Variants in UBAC2 observed in about 807,000 individuals in gnomAD.
UBAC2 encodes the protein ubiquitin-associated domain-containing protein 2.
A neutral mutation model predicts 44.0 loss-of-function variants in UBAC2; 26 were observed. The ratio of observed to expected loss-of-function variants is 0.59; its 90% CI spans 0.43 to 0.82. The LOEUF is 0.82. Among genes scored for constraint, UBAC2 ranks in the 40% least tolerant of loss-of-function variants. UBAC2 has a pLI of 0.00. For missense variants in UBAC2, 329 were observed against 419.4 expected (o/e 0.78, Z 1.88); for synonymous variants, 155 against 154.3 (o/e 1.00, Z -0.04).
chr13:99,205,265 TG>T (rs1314468426), intron 1 of UBAC2, among the ~76,000 whole-genome samples: 2 of 151,868 alleles, frequency 1.3e-5, no homozygotes, highest in Non-Finnish European at 2.9e-5. Context: ...AAAAACCCAG[TG>T]GGAAGGGTGT....
intron 8 of UBAC2, among the ~76,000 whole-genome samples, chr13:99,378,223 G>A (rs184165670): frequency 2.0e-5 from 3 of 152,214 alleles, no homozygotes; most frequent in East Asian, 1.9e-4. Context: ...CCCCCTTATC[G>A]ATATTAAAAA....
At chr13:99,238,661 G>C in intron 2 of UBAC2, 107 bp downstream of exon 2, 2 of 1,015,838 alleles carry the variant, frequency 2.0e-6, no homozygotes, top group Non-Finnish European at 2.7e-6. Flanking sequence ...CCCCCAATTT[G>C]TAAGAAATAT....
At chr13:99,228,927 C>T (rs1323406332) in intron 1 of UBAC2, among the ~76,000 whole-genome samples, 1 of 152,164 alleles carries the variant, frequency 6.6e-6, no homozygotes, top group Non-Finnish European at 1.5e-5. Flanking sequence ...GTACAATAAC[C>T]ACAGTGTCAA....
chr13:99,282,920 T>C (rs1355525056), intron 4 of UBAC2, among the ~76,000 whole-genome samples: 2 of 152,214 alleles, frequency 1.3e-5, no homozygotes, highest in African/African-American at 4.8e-5. Flanking sequence ...TCTAATGTGC[T>C]TGAAATCTAA....
intron 4 of UBAC2, among the ~76,000 whole-genome samples, chr13:99,281,913 C>G (rs2043959211): frequency 6.6e-6 from 1 of 152,080 alleles, no homozygotes; most frequent in Non-Finnish European, 1.5e-5. Flanking sequence ...AGGGAGCAGA[C>G]CTAATGTATC....
chr13:99,361,708 C>T (rs1341367352), intron 7 of UBAC2, among the ~76,000 whole-genome samples: 3 of 152,160 alleles, frequency 2.0e-5, no homozygotes, highest in Admixed American at 1.3e-4. Context: ...TACTAAATGC[C>T]GACAGCACCA....
At chr13:99,363,307 C>G (rs767647265) in intron 7 of UBAC2, among the ~76,000 whole-genome samples, 21 of 152,286 alleles carry the variant, frequency 1.4e-4, no homozygotes, top group Non-Finnish European at 1.8e-4. Flanking sequence ...ATAGTCATGC[C>G]TAGTTTTGAG....
intron 1 of UBAC2, among the ~76,000 whole-genome samples, chr13:99,223,104 A>G (rs2043069080): frequency 6.6e-6 from 1 of 152,174 alleles, no homozygotes; most frequent in Non-Finnish European, 1.5e-5. Context: ...TGTTTCATCT[A>G]AGTTATCAAA....
chr13:99,295,197 T>C lies in UBAC2; in HGVS notation c.390-18900T>C, dbSNP rs1210379524. The C allele has an allele frequency of 9.9e-6, 16 of 1,614,146 alleles. No homozygotes were observed. The highest frequency in any genetic ancestry group is 1.4e-5 in the Non-Finnish European group (16 of 1,180,018). On this transcript the variant is annotated intron_variant, in intron 4 of 8. Coordinates refer to ENST00000403766, the MANE Select transcript of UBAC2 (RefSeq NM_001144072.2). The surrounding 1 kb of genome is among the most constrained non-coding windows in gnomAD (Gnocchi z 4.1). ...CGTTTCAGCATCCTCATAACCTTTC[T>C]CTTATACCCTTTACATGCAAAGAAG...
chr13:99,315,242 G>A (rs564315043), intron 5 of UBAC2, among the ~76,000 whole-genome samples: 2 of 151,992 alleles, frequency 1.3e-5, no homozygotes, highest in Non-Finnish European at 2.9e-5. Flanking sequence ...CAAATAGCCC[G>A]TTTCTGCATT....
At chr13:99,377,177 G>C (rs1000685890) in intron 8 of UBAC2, 5 of 147,314 alleles carry the variant, frequency 3.4e-5, no homozygotes, top group Admixed American at 6.9e-5. Flanking sequence ...CTCTGTGTTG[G>C]GGGGAAGCAA....
chr13:99,334,556 C>T (rs889600818), intron 6 of UBAC2, among the ~76,000 whole-genome samples: 3 of 152,088 alleles, frequency 2.0e-5, no homozygotes, highest in African/African-American at 7.2e-5. Flanking sequence ...TCCTGTTTTA[C>T]ATGAAGTAAT....
intron 1 of UBAC2, among the ~76,000 whole-genome samples, chr13:99,230,549 G>C (rs956559401): frequency 6.6e-6 from 1 of 152,126 alleles, no homozygotes; most frequent in Non-Finnish European, 1.5e-5. Flanking sequence ...GATCTCACTG[G>C]GATAAAATCA....
intron 4 of UBAC2, among the ~76,000 whole-genome samples, chr13:99,306,320 G>T (rs1441124131): frequency 1.3e-5 from 2 of 152,102 alleles, no homozygotes; most frequent in African/African-American, 4.8e-5. Flanking sequence ...ATAATGAGAG[G>T]CAATGTTGTA....
In UBAC2 at chr13:99,243,871, T is replaced by G. The variant is rs1180651247; in HGVS notation, c.199T>G (p.Leu67Val). The G allele has an allele frequency of 1.3e-6, 2 of 1,576,392 alleles. No homozygotes were observed. The highest frequency in any genetic ancestry group is 1.7e-6 in the Non-Finnish European group (2 of 1,159,464). Residue 67 changes from leucine to valine, a missense_variant, in exon 3 of 9, where the codon TTG (leucine) becomes GTG (valine). Coordinates refer to ENST00000403766, the MANE Select transcript of UBAC2 (RefSeq NM_001144072.2). Reference sequence around the variant, plus strand: ...ATGTGGAAGAATAATTTGCCTTGATTTGAAAGATACTTTCTGCAGTAGTCT... The same window carrying G: ...ATGTGGAAGAATAATTTGCCTTGATGTGAAAGATACTTTCTGCAGTAGTCT... ...LICGRIICLDLKDTFCSSLLI... is the reference protein window; with the variant it reads ...LICGRIICLDVKDTFCSSLLI...
chr13:99,272,821 G>C (rs190665213), intron 4 of UBAC2, among the ~76,000 whole-genome samples: 13 of 152,066 alleles, frequency 8.5e-5, no homozygotes, highest in Non-Finnish European at 1.6e-4. Context: ...ATTTAGGGGT[G>C]GGGGGAGACA....
rs2044153576 is a variant in UBAC2 at position 99,295,348 on chromosome 13, T to C, written c.390-18749T>C. 6.2e-7 allele frequency: 1 copy of C among 1,613,990 alleles called. No individual in the cohort carries two copies. Among genetic ancestry groups the C allele is most frequent in the African/African-American group, 1.3e-5 (1 of 74,910 alleles). Reference sequence around the variant, plus strand: ...AGAAACGAAGCTTCTTAATCATATGTTGAATAATTGCAACATGGTAAGGTG... The same window carrying C: ...AGAAACGAAGCTTCTTAATCATATGCTGAATAATTGCAACATGGTAAGGTG... On this transcript the variant is annotated intron_variant, in intron 4 of 8. Transcript: ENST00000403766. The surrounding 1 kb of genome is among the most constrained non-coding windows in gnomAD (Gnocchi z 4.1).
At chr13:99,247,871 C>G (rs944781645) in intron 4 of UBAC2, among the ~76,000 whole-genome samples, 4 of 98,650 alleles carry the variant, frequency 4.1e-5, no homozygotes, top group South Asian at 2.7e-4. Flanking sequence ...TTCTCTCTCT[C>G]TCTTTTTTTT....
At chr13:99,318,110 C>T in intron 6 of UBAC2, 41 bp downstream of exon 6, 4 of 1,541,758 alleles carry the variant, frequency 2.6e-6, no homozygotes, top group Non-Finnish European at 2.7e-6. Context: ...CTCTCTCTCT[C>T]CTGTAAAAAC....
Sources: allele counts gnomAD v4.1 joint callset (sites outside exome capture counted in the v4.1 genomes callset), GRCh38; gene constraint gnomAD v4.1.1; non-coding constraint Gnocchi (gnomAD v3.1); transcripts MANE v1.5; gene names NCBI Gene and HGNC (gene_info 2026-07-23, HGNC 2026-07-21).